LRRTM4: variants seen among roughly 807,000 people sequenced by gnomAD.
LRRTM4 encodes the protein leucine rich repeat transmembrane neuronal 4.
In LRRTM4, 25 loss-of-function variants were observed where a neutral mutation model predicts 47.6. The observed-to-expected ratio is 0.53, with a 90% CI of 0.38 to 0.73. The LOEUF is 0.73. Ranked by LOEUF, LRRTM4 falls within the 30% of genes least tolerant of loss-of-function variation. LRRTM4 has a pLI of 0.00. For synonymous variants in LRRTM4, 311 were observed against 269.5 expected (o/e 1.15, Z -1.51); for missense variants, 638 against 713.4 (o/e 0.89, Z 1.20).
chr2:76,831,259 T>C (rs532240041), intron 3 of LRRTM4, among the ~76,000 whole-genome samples: 2 of 152,298 alleles, frequency 1.3e-5, no homozygotes, highest in Admixed American at 6.5e-5. Context: ...ATATAATAAA[T>C]ACATATAGAC....
intron 3 of LRRTM4, among the ~76,000 whole-genome samples, chr2:76,883,600 A>G (rs142069724): frequency 2.0e-5 from 3 of 152,296 alleles, no homozygotes; most frequent in East Asian, 3.9e-4. Context: ...GACTCCTGTT[A>G]GCAAACAAAA....
Position 77,504,558 on chromosome 2 carries a change from TGAAAAAAATCAATAAATCTGTA to T in LRRTM4, c.1551+13738_1551+13759del, listed in dbSNP as rs371798534. On this transcript the variant is annotated intron_variant, in intron 3 of 3. Transcript: ENST00000409884. ...TGAAGGTAATTCTCTACTAGTTCTT[TGAAAAAAATCAATAAATCTGTA>T]GATCTTTAGCCATTATAAACAAGAA... Among the ~76,000 whole-genome samples the T allele has an allele frequency of 1.6e-4, 24 of 151,782 alleles. 1 individual carries two copies. Among genetic ancestry groups the T allele is most frequent in the African/African-American group, 5.3e-4 (22 of 41,516 alleles).
chr2:77,295,839 C>T (rs1049541079), intron 3 of LRRTM4, among the ~76,000 whole-genome samples: 5 of 152,052 alleles, frequency 3.3e-5, no homozygotes, highest in East Asian at 1.9e-4. Context: ...AATTTAATTG[C>T]TTCTTTAAAG....
intron 3 of LRRTM4, among the ~76,000 whole-genome samples, chr2:77,120,353 G>T (rs1671493936): frequency 6.6e-6 from 1 of 151,666 alleles, no homozygotes; most frequent in South Asian, 2.1e-4. Flanking sequence ...TTGCTAACGG[G>T]AGACATACTA....
At chr2:77,462,707 G>A (rs899563681) in intron 3 of LRRTM4, among the ~76,000 whole-genome samples, 1 of 152,044 alleles carries the variant, frequency 6.6e-6, no homozygotes, top group Non-Finnish European at 1.5e-5. Flanking sequence ...ATACTCCCAA[G>A]CAAAGGCTTT....
At position 77,457,050 on chromosome 2, in the gene LRRTM4, ATGTAT is replaced by A. The variant is rs1676589518; in HGVS notation, c.1551+61263_1551+61267del. Reference sequence around the variant, plus strand: ...TATATATATATATATATATATATATATGTATAACCTGGAACTCTTTGACAAGCCTT... The same window carrying A: ...TATATATATATATATATATATATATAAACCTGGAACTCTTTGACAAGCCTT... On this transcript the variant is annotated intron_variant, in intron 3 of 3. Coordinates refer to ENST00000409884, the MANE Select transcript of LRRTM4 (RefSeq NM_001134745.3). Among the ~76,000 whole-genome samples, 8 of 11,858 alleles carry A rather than the reference ATGTAT, an allele frequency of 6.7e-4. 1 individual carries two copies. The highest frequency in any genetic ancestry group is 3.1e-3 in the East Asian group (2 of 652). The allele number at this position is 11,858 out of a possible 152,430, so 7.8% of individuals were successfully genotyped here. A position where few individuals can be genotyped will look rare whatever the true frequency, so the allele number is the denominator to read the frequency against.
chr2:76,906,587 G>A (rs1330817406), intron 3 of LRRTM4, among the ~76,000 whole-genome samples: 89 of 152,270 alleles, frequency 5.8e-4, no homozygotes, highest in Non-Finnish European at 1.8e-4. Flanking sequence ...TCAGTCTGTT[G>A]TATTCAGGAA....
intron 3 of LRRTM4, among the ~76,000 whole-genome samples, chr2:77,188,739 C>G (rs1304087450): frequency 6.6e-6 from 1 of 152,142 alleles, no homozygotes; most frequent in African/African-American, 2.4e-5. Context: ...AATAGAATGT[C>G]TTGGCAATAC....
chr2:77,349,901 CT>C (rs1311090197), intron 3 of LRRTM4, among the ~76,000 whole-genome samples: 1 of 152,072 alleles, frequency 6.6e-6, no homozygotes, highest in South Asian at 2.1e-4. Context: ...TATTATACCC[CT>C]ATCTTATACC....
chr2:77,014,359 A>G (rs1385905795), intron 3 of LRRTM4, among the ~76,000 whole-genome samples: 1 of 152,008 alleles, frequency 6.6e-6, no homozygotes, highest in African/African-American at 2.4e-5. Flanking sequence ...AAGAATAGCT[A>G]CTCACTGAAA....
At chr2:77,358,945 G>T (rs114903241) in intron 3 of LRRTM4, among the ~76,000 whole-genome samples, 1,810 of 152,058 alleles carry the variant, frequency 0.012, 13 homozygotes, top group African/African-American at 0.024. Flanking sequence ...CCCCTATTAG[G>T]TAATTCAACT....
chr2:77,484,640 T>C (rs1677842472), intron 3 of LRRTM4, among the ~76,000 whole-genome samples: 1 of 152,200 alleles, frequency 6.6e-6, no homozygotes, highest in Non-Finnish European at 1.5e-5. Flanking sequence ...ATTATGGTTA[T>C]ATCAAGTAAA....
chr2:76,957,965 A>G (rs1325919041), intron 3 of LRRTM4, among the ~76,000 whole-genome samples: 1 of 151,552 alleles, frequency 6.6e-6, no homozygotes, highest in Non-Finnish European at 1.5e-5. Flanking sequence ...TATAATTTTA[A>G]TCAACATAAA....
chr2:77,422,429 A>G (rs1286052948), intron 3 of LRRTM4, among the ~76,000 whole-genome samples: 1 of 152,192 alleles, frequency 6.6e-6, no homozygotes, highest in Non-Finnish European at 1.5e-5. Flanking sequence ...GCAAGTTGCA[A>G]TTTGTTAAAT....
rs183727426 is a variant in LRRTM4, at chr2:77,074,972, C to T, written c.1552-326056G>A. Among the ~76,000 whole-genome samples the T allele has an allele frequency of 5.9e-5, 9 of 152,170 alleles. No individual in the cohort carries two copies. In the East Asian group the frequency reaches 1.4e-3, roughly 23 times the overall value. On this transcript the variant is annotated intron_variant, in intron 3 of 3. Coordinates refer to ENST00000409884, the MANE Select transcript of LRRTM4 (RefSeq NM_001134745.3). ...GTTTTTGTTAGCATTTCTGTGGAAACGTATTTACCACCATATCTAGACTCC... is the reference window on the plus strand; with the variant it reads ...GTTTTTGTTAGCATTTCTGTGGAAATGTATTTACCACCATATCTAGACTCC...
At chr2:77,515,711 G>A (rs2104115442) in intron 3 of LRRTM4, among the ~76,000 whole-genome samples, 1 of 151,900 alleles carries the variant, frequency 6.6e-6, no homozygotes, top group South Asian at 2.1e-4. Flanking sequence ...CTAAAACTCA[G>A]CATACTTATA....
At chr2:76,896,091 A>C (rs1410044302) in intron 3 of LRRTM4, among the ~76,000 whole-genome samples, 2 of 152,090 alleles carry the variant, frequency 1.3e-5, no homozygotes, top group Non-Finnish European at 2.9e-5. Context: ...AAAGATCATT[A>C]TTTATTACAT....
chr2:76,786,937 G>A (rs1479617746), intron 3 of LRRTM4, among the ~76,000 whole-genome samples: 1 of 151,986 alleles, frequency 6.6e-6, no homozygotes, highest in Admixed American at 6.6e-5. Flanking sequence ...TGAACACAAT[G>A]AAAAGCTGTT....
chr2:76,906,921 A>T (rs1221252821), intron 3 of LRRTM4, among the ~76,000 whole-genome samples: 1 of 151,910 alleles, frequency 6.6e-6, no homozygotes. Context: ...CCCCACTGTC[A>T]ACATTAGACA....
Sources: gnomAD v4.1 joint callset for allele counts (sites outside exome capture counted in the v4.1 genomes callset) on GRCh38, gnomAD v4.1.1 for gene constraint, MANE v1.5 for transcripts, NCBI Gene and HGNC (gene_info 2026-07-23, HGNC 2026-07-21) for gene names.